CINP: variants seen among roughly 807,000 people sequenced by gnomAD.
CINP encodes the protein cyclin-dependent kinase 2-interacting protein.
Under a neutral mutation model 20.5 loss-of-function variants are expected in CINP, and 11 were observed. That is an observed-to-expected ratio of 0.54 (90% CI 0.34 to 0.89). The LOEUF (loss-of-function observed/expected upper bound fraction) is 0.89, where lower values mean the gene tolerates loss of function less well. Ranked by LOEUF, CINP falls within the 40% of genes least tolerant of loss-of-function variation. The pLI, the probability that CINP is intolerant of heterozygous loss-of-function variation, is 0.02. For synonymous variants in CINP, 108 were observed against 102.1 expected, an observed-to-expected ratio of 1.06 and a Z score of -0.35; for missense variants, 213 against 251.0, an observed-to-expected ratio of 0.85 and a Z score of 1.02.
rs146181377 is a variant in CINP at position 102,351,787 on chromosome 14, C to T, written c.307-1739G>A. ...CCCAAGAGGCAGGACTTGTCATTTC[C>T]GTTTCACAGCTGGGAAATTGCTTAA... On this transcript the variant is annotated intron_variant, in intron 3 of 4. Coordinates refer to ENST00000216756, the MANE Select transcript of CINP (RefSeq NM_032630.3). The surrounding 1 kb of genome is among the most constrained non-coding windows in gnomAD (Gnocchi z 4.2). Among the ~76,000 whole-genome samples, 10 of 152,254 alleles carry T rather than the reference C, an allele frequency of 6.6e-5. No homozygotes were observed. In the East Asian group the frequency reaches 9.6e-4, roughly 15 times the overall value.
At chr14:102,349,352 C>T (rs922215217) in intron 4 of CINP, among the ~76,000 whole-genome samples, 5 of 152,174 alleles carry the variant, frequency 3.3e-5, no homozygotes, top group African/African-American at 4.8e-5. Flanking sequence ...TCACTAAACA[C>T]ATTCCACTAG....
chr14:102,361,447 G>T (rs528633206), intron 1 of CINP, among the ~76,000 whole-genome samples: 30 of 152,198 alleles, frequency 2.0e-4, no homozygotes, highest in Non-Finnish European at 3.1e-4. Context: ...AGACCATCCT[G>T]GCTAACACAG....
At position 102,349,799 on chromosome 14, in the gene CINP, G is replaced by A. The variant is rs867619692; in HGVS notation, c.436+120C>T. 1.2e-5 allele frequency: 15 copies of A among 1,219,998 alleles called. No homozygotes were observed. In the Middle Eastern group the frequency reaches 5.8e-4, roughly 47 times the overall value. The allele number at this position is 1,219,998 out of a possible 1,614,324, so 75.6% of individuals were successfully genotyped here. A position where few individuals can be genotyped will look rare whatever the true frequency, so the allele number is the denominator to read the frequency against. On this transcript the variant is annotated intron_variant, in intron 4 of 4. Transcript: ENST00000216756. ...AGATGCCTCTGTCTCCTTTCCTCCC[G>A]ATACTTTTGCATTGAATTTGAAAGC...
In CINP at chr14:102,362,866, T is replaced by C. The variant is rs1476254135; in HGVS notation, c.-15A>G. On this transcript the variant is annotated 5_prime_UTR_variant, in exon 1 of 5. Transcript: ENST00000216756. ...GCACCTTCCATAAGGTCCACAGATA[T>C]CCGTAGAAGGAGACGCGAAGCCCCG... 1.5e-5 allele frequency: 25 copies of C among 1,613,900 alleles called. No homozygotes were observed. The highest frequency in any genetic ancestry group is 4.5e-5 in the East Asian group (2 of 44,880).
rs1025476096 is a variant in CINP, at chr14:102,362,856, T to G, written c.-5A>C. On this transcript the variant is annotated 5_prime_UTR_variant, in exon 1 of 5. Transcript: ENST00000216756. The stretch of plus-strand genomic sequence containing the variant: ...CCGATCTCACGCACCTTCCATAAGG[T>G]CCACAGATATCCGTAGAAGGAGACG... 5.6e-6 allele frequency: 9 copies of G among 1,613,824 alleles called. No individual in the cohort carries two copies. The African/African-American group carries it at 1.2e-4, about 22-fold the overall frequency.
At chr14:102,348,811 C>T (rs755484419) in intron 4 of CINP, 52 bp from the exon 5 acceptor site, 42 of 1,529,794 alleles carry the variant, frequency 2.7e-5, no homozygotes, top group Admixed American at 7.3e-5. Context: ...AACATAGTGT[C>T]GACTTGGGAA....
At chr14:102,355,537 C>A in intron 3 of CINP, 2 of 407,954 alleles carry the variant, frequency 4.9e-6, no homozygotes, top group Non-Finnish European at 8.7e-6. Flanking sequence ...AAAAAATTTA[C>A]TATGTGATGA....
intron 1 of CINP, among the ~76,000 whole-genome samples, chr14:102,362,296 T>TG (rs1353153195): frequency 6.6e-6 from 1 of 152,210 alleles, no homozygotes; most frequent in Non-Finnish European, 1.5e-5. Flanking sequence ...GAGGGCACAG[T>TG]GGCTAAGTTA....
At chr14:102,356,426 A>C (rs560467394) in intron 2 of CINP, among the ~76,000 whole-genome samples, 2 of 152,238 alleles carry the variant, frequency 1.3e-5, no homozygotes, top group South Asian at 2.1e-4. Context: ...AAAAAAAAAA[A>C]AAACACCATT....
intron 3 of CINP, among the ~76,000 whole-genome samples, chr14:102,355,139 G>A (rs1246439953): frequency 5.9e-5 from 9 of 151,942 alleles, no homozygotes; most frequent in East Asian, 5.8e-4. Flanking sequence ...ATCCATTTAC[G>A]CATATATTAT....
At chr14:102,350,808 C>CTTTTT (rs58210806) in intron 3 of CINP, among the ~76,000 whole-genome samples, 6 of 127,862 alleles carry the variant, frequency 4.7e-5, no homozygotes, top group Non-Finnish European at 8.2e-5. Context: ...CTCTCTCTCT[C>CTTTTT]TTTTTTTTTT....
intron 3 of CINP, among the ~76,000 whole-genome samples, chr14:102,352,770 C>T (rs1384193956): frequency 1.3e-5 from 2 of 151,696 alleles, no homozygotes; most frequent in African/African-American, 4.8e-5. Context: ...GCCTCAGCCT[C>T]CCAAGTAGCT....
chr14:102,358,674 C>T (rs756161338), intron 2 of CINP, among the ~76,000 whole-genome samples: 12 of 151,196 alleles, frequency 7.9e-5, no homozygotes, highest in Non-Finnish European at 1.3e-4. Context: ...GAGTGAGACT[C>T]GTCTCCAAAA....
rs1199541156 is a variant in CINP at position 102,351,619 on chromosome 14, AAT to A, written c.307-1573_307-1572del. Among the ~76,000 whole-genome samples, 3 of 151,556 alleles carry A rather than the reference AAT, an allele frequency of 2.0e-5. No individual in the cohort carries two copies. Among genetic ancestry groups the A allele is most frequent in the African/African-American group, 7.2e-5 (3 of 41,426 alleles). The stretch of plus-strand genomic sequence containing the variant: ...AGATATATAAATTGTCAAATATCTT[AAT>A]TCCTTTACTTGGTCCTTCCAACCAC... On this transcript the variant is annotated intron_variant, in intron 3 of 4. Coordinates refer to ENST00000216756, the MANE Select transcript of CINP (RefSeq NM_032630.3). The surrounding 1 kb of genome is among the most constrained non-coding windows in gnomAD (Gnocchi z 4.2).
At chr14:102,360,321 C>T (rs1887111546) in intron 1 of CINP, among the ~76,000 whole-genome samples, 1 of 152,094 alleles carries the variant, frequency 6.6e-6, no homozygotes, top group African/African-American at 2.4e-5. Flanking sequence ...GCACCCGGAT[C>T]CCACTGCCTG....
chr14:102,359,382 G>A (rs937451457), intron 2 of CINP, 37 bp downstream of exon 2: 4 of 1,483,960 alleles, frequency 2.7e-6, no homozygotes, highest in African/African-American at 2.8e-5. Context: ...TATTAAGGGT[G>A]AAAAACTTAG....
At chr14:102,352,690 A>T (rs1886896267) in intron 3 of CINP, 1 of 389,226 alleles carries the variant, frequency 2.6e-6, no homozygotes, top group African/African-American at 2.1e-5. Context: ...ACGGAGTCTC[A>T]CTCTGTGGCC....
At chr14:102,353,951 T>C (rs1886934413) in intron 3 of CINP, among the ~76,000 whole-genome samples, 1 of 152,252 alleles carries the variant, frequency 6.6e-6, no homozygotes, top group Admixed American at 6.5e-5. Context: ...TAGCCGGGCA[T>C]GATGGTTCAT....
chr14:102,360,181 C>CG (rs1487592667), intron 1 of CINP, among the ~76,000 whole-genome samples: 1 of 152,036 alleles, frequency 6.6e-6, no homozygotes, highest in Non-Finnish European at 1.5e-5. Flanking sequence ...CTTGGCCCCC[C>CG]GTCAATATCC....
Sources: gnomAD v4.1 joint callset for allele counts (sites outside exome capture counted in the v4.1 genomes callset) on GRCh38, gnomAD v4.1.1 for gene constraint, Gnocchi (gnomAD v3.1) non-coding constraint, MANE v1.5 for transcripts, NCBI Gene and HGNC (gene_info 2026-07-23, HGNC 2026-07-21) for gene names.